USP25: variants seen among roughly 807,000 people sequenced by gnomAD.
The protein encoded by USP25 is ubiquitin specific peptidase 25.
In USP25, 85 loss-of-function variants were observed where a neutral mutation model predicts 158.5. The observed-to-expected ratio is 0.54, with a 90% confidence interval of 0.45 to 0.64. USP25 has a LOEUF of 0.64. USP25 is among the 30% of genes least tolerant of loss of function. The pLI, the probability that USP25 is intolerant of heterozygous loss-of-function variation, is 0.00. For synonymous variants in USP25, 464 were observed against 460.4 expected, an observed-to-expected ratio of 1.01 and a Z score of -0.10; for missense variants, 1,242 against 1,327.3, an observed-to-expected ratio of 0.94 and a Z score of 1.00.
intron 17 of USP25, among the ~76,000 whole-genome samples, chr21:15,835,480 C>T (rs1393946810): frequency 1.3e-5 from 2 of 152,180 alleles, no homozygotes; most frequent in Admixed American, 6.5e-5. Context: ...TGCATAACTG[C>T]ATCCATTTTC....
intron 1 of USP25, among the ~76,000 whole-genome samples, chr21:15,733,571 T>C (rs1199088209): frequency 6.6e-6 from 1 of 151,950 alleles, no homozygotes; most frequent in African/African-American, 2.4e-5. Context: ...CCAGGAGTGG[T>C]GTCTCAAGCC....
chr21:15,878,379 G>A lies in USP25; in HGVS notation c.3282G>A (p.Glu1094=). 6.2e-7 allele frequency: 1 copy of A among 1,614,032 alleles called. No homozygotes were observed. Among genetic ancestry groups the A allele is most frequent in the Non-Finnish European group, 8.5e-7 (1 of 1,179,976 alleles). ...CTATGGAGATTAAAAGTTTCCATGA[G>A]CCACCGAAGTTACCTTCATATTCCA... The part of the protein sequence containing the change: ...DCSMEIKSFH[E]PPKLPSYSTH... Residue 1094 remains glutamate, a synonymous_variant, in exon 26 of 26, where the codon GAG becomes GAA. Coordinates refer to ENST00000400183, the MANE Select transcript of USP25 (RefSeq NM_001283041.3).
rs114189454 is a variant in USP25 at position 15,754,767 on chromosome 21, A to G, written c.46-8124A>G. On this transcript the variant is annotated intron_variant, in intron 1 of 25. Coordinates refer to ENST00000400183, the MANE Select transcript of USP25 (RefSeq NM_001283041.3). ...GAAAATTCCTCAGACAAGTCATAGA[A>G]TATTACAGTTGAGGGAAATGAAAGA... Among the ~76,000 whole-genome samples, 443 of 152,318 alleles carry G rather than the reference A, an allele frequency of 2.9e-3. 1 individual carries two copies. The highest frequency in any genetic ancestry group is 0.01 in the African/African-American group (422 of 41,574).
Position 15,826,291 on chromosome 21 carries a change from T to G in USP25, c.1392T>G (p.Val464=). The change falls in exon 13 of 26, where the codon GTT becomes GTG. Residue 464 remains valine (V), a synonymous_variant. Coordinates refer to ENST00000400183, the MANE Select transcript of USP25 (RefSeq NM_001283041.3). The surrounding 1 kb of genome is among the most constrained non-coding windows in gnomAD (Gnocchi z 4.8). ...TGGAATTTGCCTCAAGTAAACCTGT[T>G]TGCACTTCTCCTGTTGACGATATTG... ...YALEFASSKP[V]CTSPVDDIDA... is the part of the protein sequence containing the mutation. The G allele has an allele frequency of 6.2e-7, 1 of 1,614,100 alleles. No homozygotes were observed. Among genetic ancestry groups the G allele is most frequent in the Non-Finnish European group, 8.5e-7 (1 of 1,179,974 alleles).
At chr21:15,760,137 C>A (rs948330409) in intron 1 of USP25, among the ~76,000 whole-genome samples, 19 of 152,212 alleles carry the variant, frequency 1.2e-4, no homozygotes, top group Admixed American at 2.6e-4. Context: ...AGCCTTTGCC[C>A]ACCCAAAAAA....
intron 9 of USP25, among the ~76,000 whole-genome samples, chr21:15,815,059 T>C (rs1469545748): frequency 1.3e-5 from 2 of 152,180 alleles, no homozygotes; most frequent in Non-Finnish European, 2.9e-5. Context: ...TGGTGCCCTG[T>C]GTCTCAGCTG....
intron 7 of USP25, among the ~76,000 whole-genome samples, chr21:15,807,000 T>A (rs2036424724): frequency 1.3e-5 from 2 of 152,162 alleles, no homozygotes; most frequent in South Asian, 4.1e-4. Context: ...AATGGCTCAC[T>A]GCAGCATCAG....
At chr21:15,821,598 T>C (rs2037239810) in intron 10 of USP25, among the ~76,000 whole-genome samples, 1 of 151,930 alleles carries the variant, frequency 6.6e-6, no homozygotes, top group South Asian at 2.1e-4. Context: ...ATTAGACATC[T>C]GTAGAGGTTA....
chr21:15,814,528 T>C (rs527411026), intron 9 of USP25, among the ~76,000 whole-genome samples: 1 of 152,108 alleles, frequency 6.6e-6, no homozygotes, highest in East Asian at 1.9e-4. Context: ...GATAGTGATA[T>C]GAACAATAAG....
chr21:15,813,620 C>G (rs2036784803), intron 9 of USP25, among the ~76,000 whole-genome samples: 1 of 152,054 alleles, frequency 6.6e-6, no homozygotes, highest in African/African-American at 2.4e-5. Flanking sequence ...TGAGCTTCTC[C>G]CACTCTTTCT....
chr21:15,777,421 A>T (rs2034719979), intron 3 of USP25, among the ~76,000 whole-genome samples: 1 of 152,220 alleles, frequency 6.6e-6, no homozygotes, highest in Non-Finnish European at 1.5e-5. Flanking sequence ...GTAAATGTAC[A>T]TCTCTGGTTA....
intron 23 of USP25, among the ~76,000 whole-genome samples, chr21:15,873,524 G>A (rs1601197493): frequency 1.3e-5 from 2 of 149,848 alleles, no homozygotes; most frequent in Non-Finnish European, 3.0e-5. Context: ...TTTTTGAGAC[G>A]GAGTTTTGCT....
intron 10 of USP25, among the ~76,000 whole-genome samples, chr21:15,822,738 G>A (rs1350930652): frequency 6.6e-6 from 1 of 151,864 alleles, no homozygotes; most frequent in Non-Finnish European, 1.5e-5. Flanking sequence ...AAAAATTCTT[G>A]CCAGTTCCAT....
At chr21:15,864,511 G>T in intron 21 of USP25, 65 bp downstream of exon 21, 1 of 1,404,884 alleles carries the variant, frequency 7.1e-7, no homozygotes, top group Non-Finnish European at 9.5e-7. Flanking sequence ...CAGATTCCCA[G>T]GATAATTTTT....
chr21:15,738,831 A>C (rs1471498861), intron 1 of USP25, among the ~76,000 whole-genome samples: 1 of 152,196 alleles, frequency 6.6e-6, no homozygotes, highest in Non-Finnish European at 1.5e-5. Flanking sequence ...TGACCTAATC[A>C]GTTATGTTAT....
Position 15,827,020 on chromosome 21 carries a change from A to G in USP25, c.1510A>G (p.Thr504Ala), listed in dbSNP as rs1274806252. The G allele has an allele frequency of 6.2e-7, 1 of 1,614,170 alleles. No homozygotes were observed. The highest frequency in any genetic ancestry group is 8.5e-7 in the Non-Finnish European group (1 of 1,180,024). ...QGALSSELPSTSPSSVAAISS... is the reference protein window; with the variant it reads ...QGALSSELPSASPSSVAAISS... Reference sequence around the variant, plus strand: ...AGCCCTATCTTCAGAACTGCCAAGCACATCACCTTCATCAGTTGCTGCCAT... The same window carrying G: ...AGCCCTATCTTCAGAACTGCCAAGCGCATCACCTTCATCAGTTGCTGCCAT... The change falls in exon 14 of 26, where the codon ACA becomes GCA. Residue 504 changes from threonine (T) to alanine (A), a missense_variant. This residue lies in a region of USP25 where 627 missense variants were observed against 701.4 expected (regional missense o/e 0.89). Coordinates refer to ENST00000400183, the MANE Select transcript of USP25 (RefSeq NM_001283041.3).
At chr21:15,741,991 T>G (rs1034872258) in intron 1 of USP25, among the ~76,000 whole-genome samples, 1 of 152,298 alleles carries the variant, frequency 6.6e-6, no homozygotes, top group East Asian at 1.9e-4. Flanking sequence ...TGTACAAAAA[T>G]AATTTCACAT....
intron 1 of USP25, among the ~76,000 whole-genome samples, chr21:15,760,541 T>G (rs373896381): frequency 1.3e-3 from 200 of 152,342 alleles, no homozygotes; most frequent in Non-Finnish European, 2.4e-3. Context: ...TAAAAGATAC[T>G]TGGGCTGCAA....
At chr21:15,743,899 A>G (rs749940411) in intron 1 of USP25, 24 of 155,044 alleles carry the variant, frequency 1.5e-4, no homozygotes, top group African/African-American at 5.8e-4. Context: ...GTCAGTGGAC[A>G]CTCTCTTTAC....
Sources: allele counts gnomAD v4.1 joint callset (sites outside exome capture counted in the v4.1 genomes callset), GRCh38; gene constraint gnomAD v4.1.1; regional missense constraint gnomAD v4.1.1; non-coding constraint Gnocchi (gnomAD v3.1); transcripts MANE v1.5; gene names NCBI Gene and HGNC (gene_info 2026-07-23, HGNC 2026-07-21).